The following PCED1B variants were observed in gnomAD, a reference collection of about 807,000 sequenced individuals.
The protein encoded by PCED1B is PC-esterase domain-containing protein 1B.
For synonymous variants in PCED1B, 251 were observed against 246.1 expected, an observed-to-expected ratio of 1.02 and a Z score of -0.19; for missense variants, 573 against 573.9, an observed-to-expected ratio of 1.00 and a Z score of 0.02.
chr12:47,185,830 A>G (rs1375859401), intron 2 of PCED1B, among the ~76,000 whole-genome samples: 1 of 152,106 alleles, frequency 6.6e-6, no homozygotes, highest in African/African-American at 2.4e-5. Context: ...CTGACAAAAG[A>G]CAGATTAACA....
intron 2 of PCED1B, among the ~76,000 whole-genome samples, chr12:47,194,989 G>T (rs1472123287): frequency 6.6e-6 from 1 of 152,082 alleles, no homozygotes; most frequent in Admixed American, 6.6e-5. Context: ...TGTATGAGAG[G>T]GGGGAAGAAA....
chr12:47,190,554 C>G (rs1252397720), intron 2 of PCED1B, among the ~76,000 whole-genome samples: 1 of 152,250 alleles, frequency 6.6e-6, no homozygotes, highest in Non-Finnish European at 1.5e-5. Context: ...TTTATAGCAG[C>G]TATGCAAATC....
intron 2 of PCED1B, among the ~76,000 whole-genome samples, chr12:47,177,838 T>A (rs1347112291): frequency 1.3e-5 from 2 of 151,994 alleles, no homozygotes; most frequent in African/African-American, 4.8e-5. Flanking sequence ...CCTGTACTAC[T>A]CAGGAGGCTG....
chr12:47,120,328 G>A (rs1232404773), intron 2 of PCED1B, among the ~76,000 whole-genome samples: 3 of 151,932 alleles, frequency 2.0e-5, no homozygotes, highest in Non-Finnish European at 2.9e-5. Flanking sequence ...TCTACTTCTA[G>A]GTATATACTC....
chr12:47,106,413 C>T (rs1366436501), intron 2 of PCED1B, among the ~76,000 whole-genome samples: 1 of 151,984 alleles, frequency 6.6e-6, no homozygotes, highest in Non-Finnish European at 1.5e-5. Context: ...CCTAGGGGTG[C>T]GAGTTGCGTA....
chr12:47,171,258 G>A (rs1162414713), intron 2 of PCED1B, among the ~76,000 whole-genome samples: 1 of 151,850 alleles, frequency 6.6e-6, no homozygotes, highest in Non-Finnish European at 1.5e-5. Context: ...GTAGAGATGG[G>A]GTTTCTCCAT....
chr12:47,104,278 C>T (rs907569042), intron 2 of PCED1B, 83 bp downstream of exon 2: 1 of 152,156 alleles, frequency 6.6e-6, no homozygotes, highest in Non-Finnish European at 1.5e-5. Context: ...AAAATGAAAA[C>T]CTTAGTTATT....
intron 3 of PCED1B, among the ~76,000 whole-genome samples, chr12:47,219,469 T>C (rs1444083626): frequency 2.6e-5 from 4 of 152,204 alleles, no homozygotes; most frequent in African/African-American, 9.6e-5. Context: ...TGTTCATCAG[T>C]TGAAAGCACT....
At chr12:47,162,562 T>A (rs925082994) in intron 2 of PCED1B, among the ~76,000 whole-genome samples, 5 of 152,154 alleles carry the variant, frequency 3.3e-5, no homozygotes, top group African/African-American at 4.8e-5. Flanking sequence ...AGTGCCAATA[T>A]CTGCTTCTGG....
intron 2 of PCED1B, among the ~76,000 whole-genome samples, chr12:47,173,125 C>T (rs566473783): frequency 1.3e-5 from 2 of 152,322 alleles, no homozygotes; most frequent in South Asian, 2.1e-4. Context: ...ACCTATCAGG[C>T]ATTAAATCGG....
At chr12:47,143,037 T>C (rs1940653753) in intron 2 of PCED1B, among the ~76,000 whole-genome samples, 1 of 152,086 alleles carries the variant, frequency 6.6e-6, no homozygotes. Context: ...ACTCTCAACT[T>C]ATTAGGTATA....
At chr12:47,217,516 G>GAGA (rs1555155137) in intron 3 of PCED1B, among the ~76,000 whole-genome samples, 7,484 of 111,738 alleles carry the variant, frequency 0.067, 892 homozygotes, top group African/African-American at 0.17. Flanking sequence ...AAGAAAGAAA[G>GAGA]AAGAAAGAGA....
intron 3 of PCED1B, among the ~76,000 whole-genome samples, chr12:47,234,002 T>C (rs1170428711): frequency 6.6e-6 from 1 of 152,214 alleles, no homozygotes; most frequent in Non-Finnish European, 1.5e-5. Flanking sequence ...TTTTTGTTTG[T>C]TTTCTGAGAC....
intron 3 of PCED1B, among the ~76,000 whole-genome samples, chr12:47,222,883 G>A (rs61927742): frequency 2.0e-4 from 30 of 152,126 alleles, no homozygotes; most frequent in African/African-American, 6.0e-4. Flanking sequence ...GGGATGGTCC[G>A]TTGTAACCAT....
chr12:47,208,761 C>T (rs1006091297), intron 2 of PCED1B: 3 of 152,168 alleles, frequency 2.0e-5, no homozygotes, highest in Admixed American at 2.0e-4. Context: ...CCACCTTGGG[C>T]TCCTAAACTG....
At chr12:47,086,360 T>TAAAAAAAAA (rs3045485) in intron 1 of PCED1B, among the ~76,000 whole-genome samples, 3 of 95,550 alleles carry the variant, frequency 3.1e-5, no homozygotes, top group Admixed American at 1.1e-4. Flanking sequence ...GTGCTTATGG[T>TAAAAAAAAA]AAAAAAAAAA....
rs1223072830 is a variant in PCED1B at position 47,212,184 on chromosome 12, G to A, written c.-525-4038G>A. ...TACTGGGGGTAGGTGGGAGACTGAG[G>A]TGTGAGGATCACTTGAGCCCGGAGG... On this transcript the variant is annotated intron_variant, in intron 2 of 3. Coordinates refer to ENST00000546455, the MANE Select transcript of PCED1B (RefSeq NM_138371.3). 3.3e-5 allele frequency among the ~76,000 whole-genome samples: 5 copies of A among 152,180 alleles called. No individual in the cohort carries two copies. The East Asian group carries it at 9.7e-4, about 29-fold the overall frequency.
chr12:47,188,537 G>A (rs1352177081), intron 2 of PCED1B, among the ~76,000 whole-genome samples: 9 of 152,212 alleles, frequency 5.9e-5, no homozygotes, highest in Non-Finnish European at 1.3e-4. Flanking sequence ...AAGGATTTGA[G>A]CCATTTCTTA....
intron 1 of PCED1B, among the ~76,000 whole-genome samples, chr12:47,088,040 G>A (rs1268341652): frequency 6.6e-6 from 1 of 152,088 alleles, no homozygotes; most frequent in Non-Finnish European, 1.5e-5. Context: ...TCAACCTTTT[G>A]GATTCTCAGC....
Sources: allele counts gnomAD v4.1 joint callset (sites outside exome capture counted in the v4.1 genomes callset), GRCh38; gene constraint gnomAD v4.1.1; transcripts MANE v1.5; gene names NCBI Gene and HGNC (gene_info 2026-07-23, HGNC 2026-07-21).